The following TNR variants were observed in gnomAD, a reference collection of about 807,000 sequenced individuals.
TNR encodes the protein tenascin R, also known as tenascin-R.
TNR carries 45 observed loss-of-function variants against 150.4 expected under a neutral mutation model. That is an observed-to-expected ratio of 0.30 (90% CI 0.24 to 0.38). The LOEUF is 0.38. TNR is among the 10% of genes least tolerant of loss of function. The pLI, the probability that TNR is intolerant of heterozygous loss-of-function variation, is 1.00. For synonymous variants in TNR, 687 were observed against 678.4 expected, an observed-to-expected ratio of 1.01 and a Z score of -0.20; for missense variants, 1,544 against 1,759.1, an observed-to-expected ratio of 0.88 and a Z score of 2.19.
intron 2 of TNR, among the ~76,000 whole-genome samples, chr1:175,467,259 C>G (rs376167395): frequency 7.9e-5 from 12 of 151,706 alleles, no homozygotes; most frequent in African/African-American, 2.7e-4. Context: ...GGCAGCTTCT[C>G]GCTCTGCCCA....
At chr1:175,739,864 G>C (rs1667876515) in intron 1 of TNR, among the ~76,000 whole-genome samples, 1 of 152,180 alleles carries the variant, frequency 6.6e-6, no homozygotes, top group Non-Finnish European at 1.5e-5. Flanking sequence ...CTGGAGCCCA[G>C]ATGGGGAGAC....
intron 1 of TNR, among the ~76,000 whole-genome samples, chr1:175,568,390 A>G (rs1661727198): frequency 6.6e-6 from 1 of 152,086 alleles, no homozygotes; most frequent in Admixed American, 6.5e-5. Context: ...CCATGAAACA[A>G]GCTTTGTGGG....
chr1:175,525,081 G>A (rs1021520721), intron 2 of TNR, among the ~76,000 whole-genome samples: 3 of 152,120 alleles, frequency 2.0e-5, no homozygotes, highest in East Asian at 3.9e-4. Context: ...TCATGTGGGC[G>A]GTTACCTCTA....
intron 2 of TNR, among the ~76,000 whole-genome samples, chr1:175,485,515 C>A (rs956219139): frequency 1.3e-5 from 2 of 152,082 alleles, no homozygotes; most frequent in African/African-American, 4.8e-5. Flanking sequence ...ATTTCAGGGT[C>A]CTCAAATTTC....
chr1:175,472,425 A>G (rs1300855579), intron 2 of TNR, among the ~76,000 whole-genome samples: 1 of 152,256 alleles, frequency 6.6e-6, no homozygotes, highest in Non-Finnish European at 1.5e-5. Context: ...TAAAATAGTA[A>G]CATAGCTATT....
In TNR at chr1:175,331,266, CCTTT is replaced by C. The variant is rs201047250; in HGVS notation, c.3632-1035_3632-1032del. Among the ~76,000 whole-genome samples the C allele has an allele frequency of 9.2e-3, 1,095 of 118,896 alleles. 23 individuals carry two copies. The highest frequency in any genetic ancestry group is 0.033 in the African/African-American group (1,010 of 30,840). The allele number at this position is 118,896 out of a possible 152,430, so 78.0% of individuals were successfully genotyped here. ...CCCTCCCTCCCTCCCTCCCTTCCTT[CCTTT>C]CTTTCTTTCCTTCGACGGAATCTCT... is the stretch of plus-strand genomic sequence containing the variant. On this transcript the variant is annotated intron_variant, in intron 20 of 22. Transcript: ENST00000367674.
At chr1:175,533,464 C>T (rs754861954) in intron 1 of TNR, among the ~76,000 whole-genome samples, 1 of 152,238 alleles carries the variant, frequency 6.6e-6, no homozygotes, top group Admixed American at 6.5e-5. Flanking sequence ...ACTCACCCGA[C>T]ACCACCCTGT....
At chr1:175,368,720 CG>C (rs1357039392) in intron 9 of TNR, among the ~76,000 whole-genome samples, 1 of 152,152 alleles carries the variant, frequency 6.6e-6, no homozygotes, top group East Asian at 1.9e-4. Context: ...GAGGCCAAGG[CG>C]GGTGGATCAT....
chr1:175,404,377 C>T (rs544509345), intron 3 of TNR, among the ~76,000 whole-genome samples: 112 of 152,312 alleles, frequency 7.4e-4, no homozygotes, highest in African/African-American at 2.6e-3. Flanking sequence ...TTCAAAGGCT[C>T]CCCAGGACCT....
intron 1 of TNR, among the ~76,000 whole-genome samples, chr1:175,726,155 T>C (rs1667472119): frequency 6.6e-6 from 1 of 152,172 alleles, no homozygotes; most frequent in African/African-American, 2.4e-5. Context: ...CTATTGGGTA[T>C]GCTAAAGTAC....
chr1:175,591,113 C>T (rs1365658996), intron 1 of TNR, among the ~76,000 whole-genome samples: 1 of 152,168 alleles, frequency 6.6e-6, no homozygotes, highest in Non-Finnish European at 1.5e-5. Context: ...TCTCAAGATG[C>T]CACATCCTCC....
chr1:175,584,997 T>G (rs1662510126), intron 1 of TNR, among the ~76,000 whole-genome samples: 2 of 152,334 alleles, frequency 1.3e-5, no homozygotes, highest in Non-Finnish European at 2.9e-5. Context: ...GTCATTGGTT[T>G]ACTGGCTTCC....
rs535766742 is a variant in TNR at position 175,403,102 on chromosome 1, C to T, written c.976+38G>A. On this transcript the variant is annotated intron_variant, in intron 4 of 22. Coordinates refer to ENST00000367674, the MANE Select transcript of TNR (RefSeq NM_003285.3). ...GAGGCATCCAGCTAGTTTGCTGGACCACCCTTGCCAAACACCCCAGAGAGT... is the reference window on the plus strand; with the variant it reads ...GAGGCATCCAGCTAGTTTGCTGGACTACCCTTGCCAAACACCCCAGAGAGT... 9.0e-6 allele frequency: 14 copies of T among 1,558,576 alleles called. No homozygotes were observed. In the East Asian group the frequency reaches 3.2e-4, roughly 35 times the overall value.
intron 2 of TNR, among the ~76,000 whole-genome samples, chr1:175,486,038 GA>G (rs1657997199): frequency 6.6e-6 from 1 of 151,956 alleles, no homozygotes; most frequent in African/African-American, 2.4e-5. Context: ...TTTCACCAGA[GA>G]AGACAATTTT....
At chr1:175,324,266 G>T in intron 22 of TNR, 90 bp downstream of exon 22, 1 of 1,328,438 alleles carries the variant, frequency 7.5e-7, no homozygotes, top group South Asian at 1.5e-5. Flanking sequence ...GGGAAATGAA[G>T]GACTCACATG....
At chr1:175,741,215 G>A (rs527272068) in intron 1 of TNR, among the ~76,000 whole-genome samples, 1 of 152,338 alleles carries the variant, frequency 6.6e-6, no homozygotes, top group Admixed American at 6.5e-5. Flanking sequence ...CCTAGGTGAG[G>A]GAATATTAGC....
At chr1:175,401,750 T>A (rs1653711905) in intron 4 of TNR, among the ~76,000 whole-genome samples, 1 of 152,206 alleles carries the variant, frequency 6.6e-6, no homozygotes, top group African/African-American at 2.4e-5. Context: ...TGAATCCGGC[T>A]TACCAGGCTT....
chr1:175,351,119 A>T (rs1445829251), intron 18 of TNR, among the ~76,000 whole-genome samples: 1 of 152,202 alleles, frequency 6.6e-6, no homozygotes, highest in Non-Finnish European at 1.5e-5. Flanking sequence ...AGAGTAATTC[A>T]TGTCTGTGGG....
intron 1 of TNR, among the ~76,000 whole-genome samples, chr1:175,710,356 G>A (rs75529940): frequency 0.027 from 4,060 of 152,226 alleles, 161 homozygotes; most frequent in African/African-American, 0.088. Context: ...AGGCTGTAAA[G>A]GGTGGGGATG....
Sources: allele counts gnomAD v4.1 joint callset (sites outside exome capture counted in the v4.1 genomes callset), GRCh38; gene constraint gnomAD v4.1.1; transcripts MANE v1.5; gene names NCBI Gene and HGNC (gene_info 2026-07-23, HGNC 2026-07-21).